Variants in PCDHA5 observed in about 807,000 individuals in gnomAD.
PCDHA5 encodes protocadherin alpha 5.
PCDHA5 carries 43 observed loss-of-function variants against 61.6 expected under a neutral mutation model. That is an observed-to-expected ratio of 0.70 (90% confidence interval 0.55 to 0.90). The LOEUF (loss-of-function observed/expected upper bound fraction) is 0.90, where lower values mean the gene tolerates loss of function less well. Ranked by LOEUF, PCDHA5 falls within the 40% of genes least tolerant of loss-of-function variation. The pLI is 0.00. For missense variants in PCDHA5, 1,298 were observed against 1,222.7 expected (o/e 1.06, Z -0.92); for synonymous variants, 627 against 543.9 (o/e 1.15, Z -2.13).
Position 140,839,456 on chromosome 5 carries a change from C to G in PCDHA5, c.2352+15329C>G, listed in dbSNP as rs1456767329. Reference sequence around the variant, plus strand: ...CCAGACTGCAGTGCAGTGGCACAATCTGGGCTTACTGCAATCTCTGCCTCC... The same window carrying G: ...CCAGACTGCAGTGCAGTGGCACAATGTGGGCTTACTGCAATCTCTGCCTCC... On this transcript the variant is annotated intron_variant, in intron 1 of 3. Transcript: ENST00000529859. 1.3e-5 allele frequency among the ~76,000 whole-genome samples: 2 copies of G among 151,882 alleles called. 1 individual carries two copies. The highest frequency in any genetic ancestry group is 2.9e-5 in the Non-Finnish European group (2 of 67,974).
chr5:140,929,613 C>G (rs1485250435), intron 1 of PCDHA5: 2 of 406,044 alleles, frequency 4.9e-6, no homozygotes, highest in Admixed American at 8.8e-5. Flanking sequence ...AATAAAATAC[C>G]AAAATATTTT....
chr5:140,893,922 G>C (rs1179113151), intron 1 of PCDHA5, among the ~76,000 whole-genome samples: 4 of 152,156 alleles, frequency 2.6e-5, no homozygotes. Context: ...GTCTTTTTCA[G>C]AATCTCTACC....
rs1263474406 is a variant in PCDHA5, at chr5:140,967,341, A to G, written c.2353-11608A>G. ...ACCTACGAGCTCAGCCCCAGCGAGCACTTCGAGCTGGACCTTAAGCCCCTG... is the reference window on the plus strand; with the variant it reads ...ACCTACGAGCTCAGCCCCAGCGAGCGCTTCGAGCTGGACCTTAAGCCCCTG... On this transcript the variant is annotated intron_variant, in intron 1 of 3. Coordinates refer to ENST00000529859, the MANE Select transcript of PCDHA5 (RefSeq NM_018908.3). 3 of 1,607,922 alleles carry G rather than the reference A, an allele frequency of 1.9e-6. No homozygotes were observed. The highest frequency in any genetic ancestry group is 1.3e-5 in the African/African-American group (1 of 74,782).
rs1767402804 is a variant in PCDHA5, at chr5:140,822,702, T to C, written c.927T>C (p.Tyr309=). 6.2e-7 allele frequency: 1 copy of C among 1,610,758 alleles called. No individual in the cohort carries two copies. The highest frequency in any genetic ancestry group is 8.5e-7 in the Non-Finnish European group (1 of 1,177,038). The change falls in exon 1 of 4, where the codon TAT becomes TAC. Residue 309 remains tyrosine, a synonymous_variant. Coordinates refer to ENST00000529859, the MANE Select transcript of PCDHA5 (RefSeq NM_018908.3). ...TAAAAGTTAACGGGGAACTGGATTA[T>C]GAAGACTATAACTCATATGAAATTA... is the stretch of plus-strand genomic sequence containing the variant. ...GEIKVNGELD[Y]EDYNSYEINI...
In PCDHA5 at chr5:140,822,911, G is replaced by A. The variant is rs2150120278; in HGVS notation, c.1136G>A (p.Gly379Asp). ...ALISVSDRDS[G>D]ANGQVTCSLM... ...ATCAGCGTGTCTGACCGTGACTCAG[G>A]TGCCAACGGGCAGGTGACCTGCTCC... is the stretch of plus-strand genomic sequence containing the variant. Residue 379 changes from glycine to aspartate, a missense_variant, in exon 1 of 4, where the codon GGT becomes GAT. Transcript: ENST00000529859. 6.2e-7 allele frequency: 1 copy of A among 1,614,254 alleles called. No homozygotes were observed. The highest frequency in any genetic ancestry group is 8.5e-7 in the Non-Finnish European group (1 of 1,180,056).
At chr5:140,824,292 T>G in intron 1 of PCDHA5, 165 bp downstream of exon 1, 1 of 942,046 alleles carries the variant, frequency 1.1e-6, no homozygotes, top group South Asian at 1.6e-5. Context: ...TATGAGGCTT[T>G]TCTGCTGGGG....
intron 1 of PCDHA5, chr5:140,930,452 G>A (rs2086853363): frequency 6.6e-6 from 1 of 151,826 alleles, no homozygotes; most frequent in Non-Finnish European, 1.5e-5. Flanking sequence ...CAAACTCCTA[G>A]CCTCAAGTGA....
intron 1 of PCDHA5, among the ~76,000 whole-genome samples, chr5:140,937,624 A>G (rs2091636613): frequency 6.6e-6 from 1 of 150,778 alleles, no homozygotes; most frequent in Non-Finnish European, 1.5e-5. Context: ...CTAAAAAGAA[A>G]AAGAAAGGCA....
At chr5:140,992,533 C>T (rs1292844643) in intron 3 of PCDHA5, among the ~76,000 whole-genome samples, 1 of 152,188 alleles carries the variant, frequency 6.6e-6, no homozygotes, top group Non-Finnish European at 1.5e-5. Context: ...GGAAAAGTCA[C>T]TGTCACAAGT....
chr5:140,976,378 C>A (rs908008970), intron 1 of PCDHA5, among the ~76,000 whole-genome samples: 2 of 151,926 alleles, frequency 1.3e-5, no homozygotes, highest in Non-Finnish European at 2.9e-5. Flanking sequence ...TGGTGAAACC[C>A]CATCTCTACT....
chr5:140,875,984 C>T (rs2056022183), intron 1 of PCDHA5: 1 of 1,613,870 alleles, frequency 6.2e-7, no homozygotes, highest in East Asian at 2.2e-5. Flanking sequence ...TTGACCTATG[C>T]GTTAAGTCTA....
chr5:140,842,657 G>A lies in PCDHA5; in HGVS notation c.2352+18530G>A, dbSNP rs2150341261. 6 of 1,595,442 alleles carry A rather than the reference G, an allele frequency of 3.8e-6. No individual in the cohort carries two copies. In the Admixed American group the frequency reaches 5.1e-5, roughly 13 times the overall value. ...CACCGCCAGCTTGTCTGTGGAGGTG[G>A]CCGACGTGAACGACAATGCTCCGGC... On this transcript the variant is annotated intron_variant, in intron 1 of 3. Transcript: ENST00000529859.
intron 1 of PCDHA5, among the ~76,000 whole-genome samples, chr5:140,939,496 T>C (rs1056805885): frequency 4.6e-5 from 7 of 150,952 alleles, no homozygotes; most frequent in African/African-American, 1.5e-4. Context: ...AATTATAAAT[T>C]CAATGTCTAT....
intron 1 of PCDHA5, chr5:140,877,946 C>T (rs996993086): frequency 3.2e-5 from 43 of 1,349,440 alleles, no homozygotes; most frequent in Non-Finnish European, 4.0e-5. Context: ...TTTAAACTAT[C>T]GAATGTCTCA....
At chr5:140,975,010 C>T (rs2096649304) in intron 1 of PCDHA5, among the ~76,000 whole-genome samples, 1 of 152,182 alleles carries the variant, frequency 6.6e-6, no homozygotes, top group Admixed American at 6.5e-5. Context: ...GAAATGAACA[C>T]AGCTGGGCTG....
At chr5:140,918,036 C>G (rs1423930397) in intron 1 of PCDHA5, among the ~76,000 whole-genome samples, 1 of 152,036 alleles carries the variant, frequency 6.6e-6, no homozygotes, top group Non-Finnish European at 1.5e-5. Flanking sequence ...CGTGGAAGGT[C>G]TTTCCATTTG....
chr5:140,953,101 T>C (rs1297450101), intron 1 of PCDHA5, among the ~76,000 whole-genome samples: 1 of 152,130 alleles, frequency 6.6e-6, no homozygotes, highest in Non-Finnish European at 1.5e-5. Context: ...TGACATGAGA[T>C]TTGGGCAGGG....
In PCDHA5 at chr5:140,850,072, A is replaced by C. The variant is rs2150465925; in HGVS notation, c.2352+25945A>C. 113 of 1,596,472 alleles carry C rather than the reference A, an allele frequency of 7.1e-5. 13 individuals are homozygous for C. The Admixed American group carries it at 1.8e-3, about 25-fold the overall frequency. On this transcript the variant is annotated intron_variant, in intron 1 of 3. Coordinates refer to ENST00000529859, the MANE Select transcript of PCDHA5 (RefSeq NM_018908.3). The stretch of plus-strand genomic sequence containing the variant: ...TACGCGCTGCAGCCGTTGGACCACG[A>C]GGAGCTGGAGCTGCTACAGTTCCAG...
intron 1 of PCDHA5, among the ~76,000 whole-genome samples, chr5:140,975,632 A>G (rs1554236932): frequency 1.3e-5 from 2 of 152,216 alleles, no homozygotes; most frequent in African/African-American, 4.8e-5. Context: ...CATGGTACGA[A>G]GATAGCATAT....
Sources: gnomAD v4.1 joint callset for allele counts (sites outside exome capture counted in the v4.1 genomes callset) on GRCh38, gnomAD v4.1.1 for gene constraint, MANE v1.5 for transcripts, NCBI Gene and HGNC (gene_info 2026-07-23, HGNC 2026-07-21) for gene names.